Variants in PIAS2 observed in about 807,000 individuals in gnomAD.
PIAS2 encodes the protein E3 SUMO-protein ligase PIAS2.
In PIAS2, 19 loss-of-function variants were observed where a neutral mutation model predicts 69.7. The observed-to-expected ratio is 0.27, with a 90% CI of 0.19 to 0.40. The LOEUF (loss-of-function observed/expected upper bound fraction) is 0.40. Ranked by LOEUF, PIAS2 falls within the 10% of genes least tolerant of loss-of-function variation. The pLI, the probability that PIAS2 is intolerant of heterozygous loss-of-function variation, is 1.00. For synonymous variants in PIAS2, 261 were observed against 263.2 expected (o/e 0.99, Z 0.08); for missense variants, 624 against 757.0 (o/e 0.82, Z 2.06).
chr18:46,880,922 T>TAA (rs1416816975), intron 2 of PIAS2, among the ~76,000 whole-genome samples: 2 of 152,252 alleles, frequency 1.3e-5, no homozygotes, highest in African/African-American at 4.8e-5. Context: ...CTTTAAATTA[T>TAA]AATCCCATTA....
intron 1 of PIAS2, among the ~76,000 whole-genome samples, chr18:46,916,247 C>T (rs2057867176): frequency 1.3e-5 from 2 of 152,134 alleles, no homozygotes; most frequent in Non-Finnish European, 2.9e-5. Flanking sequence ...TTCCCCCATC[C>T]CATCTCTTGC....
At chr18:46,866,112 C>G (rs1398886978) in intron 2 of PIAS2, among the ~76,000 whole-genome samples, 1 of 151,904 alleles carries the variant, frequency 6.6e-6, no homozygotes, top group African/African-American at 2.4e-5. Flanking sequence ...AAATGGAGAA[C>G]TAAAAGAAGA....
At chr18:46,905,079 T>C (rs912176027) in intron 1 of PIAS2, among the ~76,000 whole-genome samples, 4 of 152,180 alleles carry the variant, frequency 2.6e-5, no homozygotes, top group African/African-American at 9.7e-5. Context: ...AGGCAATACA[T>C]AGTCTCTTCA....
chr18:46,837,478 T>C (rs2044627304), intron 8 of PIAS2, among the ~76,000 whole-genome samples: 1 of 152,234 alleles, frequency 6.6e-6, no homozygotes, highest in Admixed American at 6.5e-5. Flanking sequence ...TAGGCACTCT[T>C]TATATAAGAA....
chr18:46,893,453 T>A (rs1425333314), intron 1 of PIAS2: 1 of 983,848 alleles, frequency 1.0e-6, no homozygotes, highest in Non-Finnish European at 1.2e-6. Context: ...CTCAGAGGAA[T>A]TTCTAGGAGG....
rs1191084753 is a variant in PIAS2, at chr18:46,810,117, A to G, written c.*2316T>C. The G allele has an allele frequency of 6.6e-6, 1 of 152,230 alleles. No individual in the cohort carries two copies. Among genetic ancestry groups the G allele is most frequent in the Non-Finnish European group, 1.5e-5 (1 of 68,048 alleles). The allele number at this position is 152,230 out of a possible 1,614,324, so 9.4% of individuals were successfully genotyped here. On this transcript the variant is annotated 3_prime_UTR_variant, in exon 14 of 14. Coordinates refer to ENST00000585916, the MANE Select transcript of PIAS2 (RefSeq NM_004671.5). ...AAAATGCAAGTTGCCTGTATGAAAT[A>G]AATTAAAAATTTATATGTAATTTCA...
At chr18:46,902,704 T>G (rs555862549) in intron 1 of PIAS2, among the ~76,000 whole-genome samples, 2 of 152,208 alleles carry the variant, frequency 1.3e-5, no homozygotes, top group Non-Finnish European at 2.9e-5. Flanking sequence ...TTTTTGTAGA[T>G]ATAGATGAGA....
intron 5 of PIAS2, among the ~76,000 whole-genome samples, chr18:46,849,809 T>A (rs1259084609): frequency 1.3e-5 from 2 of 152,198 alleles, no homozygotes; most frequent in Non-Finnish European, 2.9e-5. Context: ...TATCAACATG[T>A]TGCCATTCTT....
At chr18:46,884,446 G>A (rs2052803664) in intron 2 of PIAS2, among the ~76,000 whole-genome samples, 1 of 151,864 alleles carries the variant, frequency 6.6e-6, no homozygotes, top group Admixed American at 6.6e-5. Context: ...CCGAGTAGCT[G>A]GGACTACAGG....
intron 6 of PIAS2, 57 bp from the exon 7 acceptor site, chr18:46,844,896 T>C (rs759231674): frequency 4.8e-5 from 30 of 630,664 alleles, no homozygotes; most frequent in Non-Finnish European, 1.8e-5. Context: ...TCTCTTTGTT[T>C]ACATGAAATA....
rs748143630 is a variant in PIAS2, at chr18:46,844,780, T to G, written c.921A>C (p.Arg307Ser). 6.7e-7 allele frequency: 1 copy of G among 1,496,496 alleles called. No individual in the cohort carries two copies. Among genetic ancestry groups the G allele is most frequent in the Admixed American group, 2.4e-5 (1 of 41,664 alleles). 92.7% of individuals were successfully genotyped at this position (1,496,496 alleles called of 1,614,324 possible). The change falls in exon 7 of 14, where the codon AGA becomes AGC. Residue 307 changes from arginine to serine, a missense_variant. This residue lies in a region of PIAS2 where 339 missense variants were observed against 408.8 expected (regional missense o/e 0.83). Transcript: ENST00000585916. ...RQLTSAMLLQ[R>S]LKMKGIRNPD... is the part of the protein sequence containing the mutation. The stretch of plus-strand genomic sequence containing the variant: ...GGTTTCTAATACCTTTCATTTTTAA[T>G]CTCTGTAATAACATGGCTGATGTAA...
At chr18:46,836,581 GT>G (rs2044464843) in intron 8 of PIAS2, 64 bp from the exon 9 acceptor site, 1 of 1,253,620 alleles carries the variant, frequency 8.0e-7, no homozygotes, top group African/African-American at 1.5e-5. Flanking sequence ...AGGGAACATG[GT>G]CAGTTGTAAA....
In PIAS2 at chr18:46,890,690, A is replaced by T. The variant is rs767646925; in HGVS notation, c.389T>A (p.Phe130Tyr). The T allele has an allele frequency of 3.1e-6, 5 of 1,614,018 alleles. No individual in the cohort carries two copies. Among genetic ancestry groups the T allele is most frequent in the Non-Finnish European group, 4.2e-6 (5 of 1,180,004 alleles). Residue 130 changes from phenylalanine to tyrosine, a missense_variant, in exon 2 of 14, where the codon TTT becomes TAT. Physicochemically the swap from Phe to Tyr is conservative, Grantham distance 22. This residue lies in a region of PIAS2 where 339 missense variants were observed against 408.8 expected (regional missense o/e 0.83). Transcript: ENST00000585916. ...SVLLQDTKPT[F>Y]EMQQPSPPIP... ...TGGGGGAGATGGCTGCTGCATCTCAAATGTGGGCTTAGTATCTTGAAGCAG... is the reference window on the plus strand; with the variant it reads ...TGGGGGAGATGGCTGCTGCATCTCATATGTGGGCTTAGTATCTTGAAGCAG...
chr18:46,920,083 C>T (rs1203203584), upstream of PIAS2: 1 of 1,289,590 alleles, frequency 7.8e-7, no homozygotes, highest in African/African-American at 1.5e-5. Flanking sequence ...GTAGTTGCTT[C>T]CCAGCATTCA....
At chr18:46,906,781 G>T (rs1021853231) in intron 1 of PIAS2, among the ~76,000 whole-genome samples, 1 of 144,554 alleles carries the variant, frequency 6.9e-6, no homozygotes. Flanking sequence ...TGTGGGGGGG[G>T]GGGGAGGTGT....
intron 6 of PIAS2, chr18:46,845,040 T>G: frequency 2.8e-6 from 1 of 352,608 alleles, no homozygotes; most frequent in Non-Finnish European, 5.1e-6. Flanking sequence ...TAAAGGTATT[T>G]CTTGATCATT....
At chr18:46,900,747 G>A (rs191177808) in intron 1 of PIAS2, among the ~76,000 whole-genome samples, 73 of 151,844 alleles carry the variant, frequency 4.8e-4, no homozygotes, top group South Asian at 1.3e-3. Context: ...AGACCGAGGC[G>A]GGTGAATCAC....
intron 5 of PIAS2, among the ~76,000 whole-genome samples, chr18:46,849,934 A>T (rs546932953): frequency 6.6e-5 from 10 of 152,290 alleles, no homozygotes; most frequent in African/African-American, 2.4e-4. Flanking sequence ...CATTTAACCC[A>T]GATATTTAAC....
At chr18:46,855,759 C>A in intron 3 of PIAS2, 144 bp from the exon 4 acceptor site, 1 of 663,984 alleles carries the variant, frequency 1.5e-6, no homozygotes, top group Non-Finnish European at 2.6e-6. Context: ...ATAATATAAG[C>A]CTTAATGAAA....
Sources: gnomAD v4.1 joint callset for allele counts (sites outside exome capture counted in the v4.1 genomes callset) on GRCh38, gnomAD v4.1.1 for gene constraint, gnomAD v4.1.1 regional missense constraint, MANE v1.5 for transcripts, NCBI Gene and HGNC (gene_info 2026-07-23, HGNC 2026-07-21) for gene names.